The following B3GALT1 variants were observed in gnomAD, a reference collection of about 807,000 sequenced individuals.
B3GALT1 encodes beta-1,3-galactosyltransferase 1.
In B3GALT1, 10 loss-of-function variants were observed where a neutral mutation model predicts 23.2. The observed-to-expected ratio is 0.43, with a 90% CI of 0.27 to 0.73. The LOEUF is 0.73. Among genes scored for constraint, B3GALT1 ranks in the 30% least tolerant of loss-of-function variants. B3GALT1 has a pLI of 0.21. For missense variants in B3GALT1, 299 were observed against 405.4 expected, an observed-to-expected ratio of 0.74 and a Z score of 2.25; for synonymous variants, 156 against 141.5, an observed-to-expected ratio of 1.10 and a Z score of -0.73.
intron 1 of B3GALT1, among the ~76,000 whole-genome samples, chr2:167,389,884 C>G (rs1303716905): frequency 7.2e-6 from 1 of 139,738 alleles, no homozygotes; most frequent in Non-Finnish European, 1.5e-5. Flanking sequence ...GCACTCTAGC[C>G]TGGGTGACAG....
intron 1 of B3GALT1, among the ~76,000 whole-genome samples, chr2:167,407,802 C>T (rs1252525484): frequency 3.3e-5 from 5 of 152,054 alleles, no homozygotes; most frequent in African/African-American, 9.6e-5. Flanking sequence ...CCTCAAAAAA[C>T]CAATAACAAG....
chr2:167,548,694 G>GTGTGTGTGTGTGAGAGTGTA (rs1361030277), intron 2 of B3GALT1, among the ~76,000 whole-genome samples: 4 of 151,116 alleles, frequency 2.6e-5, no homozygotes, highest in African/African-American at 9.8e-5. Context: ...GAGTGTGTGT[G>GTGTGTGTGTGTGAGAGTGTA]TGTGTGTGTG....
chr2:167,637,041 T>A (rs1354378792), intron 2 of B3GALT1, among the ~76,000 whole-genome samples: 1 of 151,902 alleles, frequency 6.6e-6, no homozygotes, highest in Non-Finnish European at 1.5e-5. Flanking sequence ...TTATGGCTGC[T>A]CCCAGCTACC....
rs55746775 is a variant in B3GALT1 at position 167,326,190 on chromosome 2, G to GTT, written c.-511+32868_-511+32869dup. Reference sequence around the variant, plus strand: ...TTTACCTGATGATTAGTGATGTTGAGTTTTTTTTTTTTTCAGTATACTTGC... The same window carrying GTT: ...TTTACCTGATGATTAGTGATGTTGAGTTTTTTTTTTTTTTTCAGTATACTTGC... On this transcript the variant is annotated intron_variant, in intron 1 of 4. Transcript: ENST00000392690. 4.2e-4 allele frequency among the ~76,000 whole-genome samples: 58 copies of GTT among 139,538 alleles called. 2 individuals are homozygous for GTT. The highest frequency in any genetic ancestry group is 9.1e-4 in the South Asian group (4 of 4,414). The allele number at this position is 139,538 out of a possible 152,430, so 91.5% of individuals were successfully genotyped here.
In B3GALT1 at chr2:167,642,570, G is replaced by T. The variant is rs142703740; in HGVS notation, c.-409-4339G>T. On this transcript the variant is annotated intron_variant, in intron 2 of 4. Transcript: ENST00000392690. The stretch of plus-strand genomic sequence containing the variant: ...ATTAGGAAAGGTCCTGACCTGATCT[G>T]ACATTGATCTTAAAAAACATTTTAT... Among the ~76,000 whole-genome samples the T allele has an allele frequency of 4.2e-3, 646 of 152,254 alleles. 3 individuals are homozygous for T. The highest frequency in any genetic ancestry group is 4.9e-3 in the Non-Finnish European group (335 of 68,014).
At chr2:167,736,084 G>A (rs1687487615) in intron 3 of B3GALT1, among the ~76,000 whole-genome samples, 1 of 152,170 alleles carries the variant, frequency 6.6e-6, no homozygotes, top group South Asian at 2.1e-4. Context: ...ATTTGTTCAA[G>A]TCACAGAGCT....
At chr2:167,594,732 G>C (rs761666001) in intron 2 of B3GALT1, among the ~76,000 whole-genome samples, 6 of 152,112 alleles carry the variant, frequency 3.9e-5, no homozygotes, top group Non-Finnish European at 8.8e-5. Flanking sequence ...GGCCAACGTG[G>C]TGAAACCCCG....
intron 1 of B3GALT1, among the ~76,000 whole-genome samples, chr2:167,311,074 A>G (rs1185649672): frequency 6.6e-6 from 1 of 152,092 alleles, no homozygotes. Context: ...ATGCTAAATA[A>G]CATTTTCATT....
intron 3 of B3GALT1, among the ~76,000 whole-genome samples, chr2:167,755,883 G>T (rs2105291965): frequency 6.6e-6 from 1 of 152,098 alleles, no homozygotes; most frequent in East Asian, 1.9e-4. Context: ...GCTGAGGCAG[G>T]AATATCATTA....
At chr2:167,525,288 G>A (rs1010089279) in intron 2 of B3GALT1, among the ~76,000 whole-genome samples, 7 of 151,556 alleles carry the variant, frequency 4.6e-5, no homozygotes, top group Non-Finnish European at 8.8e-5. Flanking sequence ...TGTTTGGTAC[G>A]TTTTCCTTTT....
intron 2 of B3GALT1, among the ~76,000 whole-genome samples, chr2:167,566,377 G>A (rs1684167314): frequency 6.6e-6 from 1 of 151,906 alleles, no homozygotes; most frequent in Middle Eastern, 3.4e-3. Context: ...GGGAGGGATA[G>A]CATTAGGAGA....
intron 1 of B3GALT1, among the ~76,000 whole-genome samples, chr2:167,340,594 G>A (rs565662479): frequency 1.3e-5 from 2 of 152,296 alleles, no homozygotes; most frequent in East Asian, 3.9e-4. Context: ...AGGCAAAGGA[G>A]AGATAGACTT....
At chr2:167,509,732 G>T (rs1442191228) in intron 2 of B3GALT1, among the ~76,000 whole-genome samples, 1 of 152,130 alleles carries the variant, frequency 6.6e-6, no homozygotes, top group Non-Finnish European at 1.5e-5. Flanking sequence ...TGAGTTAGGG[G>T]AGAGGAATGG....
Position 167,785,986 on chromosome 2 carries a change from A to G in B3GALT1, c.-351-32686A>G, listed in dbSNP as rs1688337730. Among the ~76,000 whole-genome samples, 2 of 152,230 alleles carry G rather than the reference A, an allele frequency of 1.3e-5. 1 individual carries two copies. Among genetic ancestry groups the G allele is most frequent in the South Asian group, 4.1e-4 (2 of 4,832 alleles). ...TCAAATCAGCAACAACCATTGATTC[A>G]TGGGTGCTACGTTGAAAGCAATTTT... On this transcript the variant is annotated intron_variant, in intron 3 of 4. Transcript: ENST00000392690.
At chr2:167,813,966 TCTC>T (rs56994097) in intron 3 of B3GALT1, among the ~76,000 whole-genome samples, 13,815 of 152,250 alleles carry the variant, frequency 0.091, 688 homozygotes, top group Middle Eastern at 0.2. Flanking sequence ...TCTAAAATCT[TCTC>T]CTACCTTCTG....
intron 2 of B3GALT1, among the ~76,000 whole-genome samples, chr2:167,534,870 T>G (rs1032353127): frequency 2.6e-5 from 4 of 152,228 alleles, no homozygotes; most frequent in Non-Finnish European, 5.9e-5. Flanking sequence ...AACCAATATT[T>G]ATTAAGCATT....
intron 3 of B3GALT1, among the ~76,000 whole-genome samples, chr2:167,775,360 G>C (rs1050855820): frequency 6.6e-6 from 1 of 152,154 alleles, no homozygotes; most frequent in African/African-American, 2.4e-5. Flanking sequence ...CACGAGGTCA[G>C]GAGTTCGAGA....
At chr2:167,510,407 GTTTTTTT>G (rs35191590) in intron 2 of B3GALT1, among the ~76,000 whole-genome samples, 1 of 111,092 alleles carries the variant, frequency 9.0e-6, no homozygotes, top group Non-Finnish European at 2.0e-5. Flanking sequence ...TGCAAGTTTT[GTTTTTTT>G]TTTTTTTTTT....
At chr2:167,695,787 C>T (rs1686782377) in intron 3 of B3GALT1, among the ~76,000 whole-genome samples, 1 of 152,128 alleles carries the variant, frequency 6.6e-6, no homozygotes. Context: ...CTAATACTAC[C>T]AGCCCATGGT....
Sources: allele counts gnomAD v4.1 joint callset (sites outside exome capture counted in the v4.1 genomes callset), GRCh38; gene constraint gnomAD v4.1.1; transcripts MANE v1.5; gene names NCBI Gene and HGNC (gene_info 2026-07-23, HGNC 2026-07-21).